The following GALNT17 variants were observed in gnomAD, a reference collection of about 807,000 sequenced individuals.
The protein encoded by GALNT17 is UDP-GalNAc:polypeptide N-acetylgalactosaminyltransferase-like 3.
Under a neutral mutation model 63.7 loss-of-function variants are expected in GALNT17, and 29 were observed. The observed-to-expected ratio is 0.46, with a 90% CI of 0.34 to 0.62. The LOEUF is 0.62. Ranked by LOEUF, GALNT17 falls within the 20% of genes least tolerant of loss-of-function variation. The pLI, the probability that GALNT17 is intolerant of heterozygous loss-of-function variation, is 0.01. For synonymous variants in GALNT17, 305 were observed against 318.3 expected, an observed-to-expected ratio of 0.96 and a Z score of 0.45; for missense variants, 603 against 799.6, an observed-to-expected ratio of 0.75 and a Z score of 2.97.
intron 5 of GALNT17, among the ~76,000 whole-genome samples, chr7:71,500,618 C>T (rs1048868886): frequency 3.9e-5 from 6 of 152,218 alleles, no homozygotes; most frequent in African/African-American, 1.4e-4. Context: ...CACTTCCTTG[C>T]TTGTCCCACT....
At chr7:71,572,298 T>TAA (rs1789456771) in intron 6 of GALNT17, among the ~76,000 whole-genome samples, 1 of 150,624 alleles carries the variant, frequency 6.6e-6, no homozygotes, top group East Asian at 2.0e-4. Flanking sequence ...GCCCAGGAGT[T>TAA]CAAAACCAGC....
At position 71,686,806 on chromosome 7, in the gene GALNT17, T is replaced by A. The variant is rs561188200; in HGVS notation, c.1500+9500T>A. On this transcript the variant is annotated intron_variant, in intron 9 of 10. Coordinates refer to ENST00000333538, the MANE Select transcript of GALNT17 (RefSeq NM_022479.3). ...AAACCTAACACGTTCCTGCAAATTC[T>A]GATGCAGCTTTGTCCCCGAGCTGAG... Among the ~76,000 whole-genome samples the A allele has an allele frequency of 1.1e-4, 16 of 152,340 alleles. No individual in the cohort carries two copies. The Middle Eastern group carries it at 0.01, about 97-fold the overall frequency.
intron 1 of GALNT17, among the ~76,000 whole-genome samples, chr7:71,311,626 G>A (rs1014265345): frequency 3.3e-5 from 5 of 152,182 alleles, no homozygotes; most frequent in African/African-American, 7.2e-5. Flanking sequence ...AGGATGAGAT[G>A]AGCAGCGCAG....
intron 1 of GALNT17, among the ~76,000 whole-genome samples, chr7:71,155,384 G>A (rs767000780): frequency 6.6e-6 from 1 of 151,550 alleles, no homozygotes; most frequent in African/African-American, 2.4e-5. Context: ...AGCAATTCTT[G>A]TGCCTTAGCC....
In GALNT17 at chr7:71,670,415, A is replaced by G. The variant is rs554683716; in HGVS notation, c.1404+306A>G. On this transcript the variant is annotated intron_variant, in intron 8 of 10. Transcript: ENST00000333538. The stretch of plus-strand genomic sequence containing the variant: ...CTGGGACCTGTAAATGGAGATATTG[A>G]GCAGGAAGTTTGGATGTAACGAGAG... 8.5e-5 allele frequency among the ~76,000 whole-genome samples: 13 copies of G among 152,300 alleles called. No individual in the cohort carries two copies. The South Asian group carries it at 2.5e-3, about 29-fold the overall frequency.
intron 5 of GALNT17, among the ~76,000 whole-genome samples, chr7:71,461,150 A>C (rs1583974756): frequency 6.6e-6 from 1 of 151,846 alleles, no homozygotes; most frequent in Admixed American, 6.6e-5. Flanking sequence ...TTTGATTGAA[A>C]CTCAAGCCAT....
chr7:71,377,806 T>C (rs1322187623), intron 2 of GALNT17, among the ~76,000 whole-genome samples: 1 of 152,126 alleles, frequency 6.6e-6, no homozygotes, highest in African/African-American at 2.4e-5. Context: ...CTGATGGTTT[T>C]ATAAGTGTTT....
intron 6 of GALNT17, among the ~76,000 whole-genome samples, chr7:71,625,013 A>G (rs967944350): frequency 1.8e-4 from 28 of 152,342 alleles, no homozygotes; most frequent in African/African-American, 6.3e-4. Flanking sequence ...TAGCATAATT[A>G]TAAAAATCAT....
intron 1 of GALNT17, among the ~76,000 whole-genome samples, chr7:71,266,731 A>G (rs1790498906): frequency 6.6e-6 from 1 of 152,098 alleles, no homozygotes; most frequent in East Asian, 1.9e-4. Flanking sequence ...GAATTGAACA[A>G]TTCAACTCTG....
intron 2 of GALNT17, among the ~76,000 whole-genome samples, chr7:71,377,392 T>C (rs534518188): frequency 7.6e-6 from 1 of 131,850 alleles, no homozygotes; most frequent in South Asian, 2.4e-4. Flanking sequence ...AGCCAGGCTG[T>C]CAAAGAAGAC....
At chr7:71,549,353 A>C (rs1228188300) in intron 5 of GALNT17, among the ~76,000 whole-genome samples, 1 of 152,134 alleles carries the variant, frequency 6.6e-6, no homozygotes, top group Non-Finnish European at 1.5e-5. Flanking sequence ...AGCTTGCTTG[A>C]GCCTAGGAGT....
At chr7:71,148,175 C>G (rs1411942114) in intron 1 of GALNT17, among the ~76,000 whole-genome samples, 5 of 152,186 alleles carry the variant, frequency 3.3e-5, no homozygotes, top group Non-Finnish European at 7.3e-5. Context: ...AATTTGTCAG[C>G]AAGTAATTTG....
At chr7:71,430,933 C>T (rs1340562671) in intron 5 of GALNT17, among the ~76,000 whole-genome samples, 2 of 152,050 alleles carry the variant, frequency 1.3e-5, no homozygotes, top group African/African-American at 4.8e-5. Context: ...GCATTTCCAG[C>T]AGGGATAGTA....
At position 71,161,480 on chromosome 7, in the gene GALNT17, G is replaced by A. The variant is rs560814293; in HGVS notation, c.238+28440G>A. Among the ~76,000 whole-genome samples the A allele has an allele frequency of 5.3e-4, 81 of 152,058 alleles. 2 individuals are homozygous for A. In the South Asian group the frequency reaches 0.016, roughly 30 times the overall value. ...TATCTTTGTCTTTAATATTTATTAC[G>A]AATATGCTTTCCACAGACTCATTTC... On this transcript the variant is annotated intron_variant, in intron 1 of 10. Coordinates refer to ENST00000333538, the MANE Select transcript of GALNT17 (RefSeq NM_022479.3).
chr7:71,341,409 G>A (rs907107307), intron 2 of GALNT17, among the ~76,000 whole-genome samples: 7 of 152,132 alleles, frequency 4.6e-5, no homozygotes, highest in African/African-American at 1.2e-4. Flanking sequence ...CCCAGAATCC[G>A]TAGGATGTGA....
chr7:71,432,857 G>A (rs1476153190), intron 5 of GALNT17, among the ~76,000 whole-genome samples: 1 of 152,044 alleles, frequency 6.6e-6, no homozygotes, highest in Non-Finnish European at 1.5e-5. Flanking sequence ...TCACCCAGGC[G>A]GGAGTGCAGT....
At chr7:71,163,347 A>C (rs918038456) in intron 1 of GALNT17, among the ~76,000 whole-genome samples, 62 of 152,272 alleles carry the variant, frequency 4.1e-4, no homozygotes, top group African/African-American at 1.5e-3. Flanking sequence ...TTTGGTTTAC[A>C]TGGGGGAAGA....
intron 1 of GALNT17, among the ~76,000 whole-genome samples, chr7:71,215,798 T>G (rs1050223410): frequency 6.6e-6 from 1 of 152,318 alleles, no homozygotes; most frequent in Middle Eastern, 3.4e-3. Flanking sequence ...TCTCAAACAT[T>G]TTGGGCTCAG....
In GALNT17 at chr7:71,572,504, T is replaced by TAAAAAAA. The variant is rs371372359; in HGVS notation, c.1080+1122_1080+1128dup. Among the ~76,000 whole-genome samples, 82 of 44,472 alleles carry TAAAAAAA rather than the reference T, an allele frequency of 1.8e-3. 9 individuals carry two copies. The highest frequency in any genetic ancestry group is 8.6e-3 in the African/African-American group (82 of 9,580). The allele number at this position is 44,472 out of a possible 152,430, so 29.2% of individuals were successfully genotyped here. A position where few individuals can be genotyped will look rare whatever the true frequency, so the allele number is the denominator to read the frequency against. On this transcript the variant is annotated intron_variant, in intron 6 of 10. Coordinates refer to ENST00000333538, the MANE Select transcript of GALNT17 (RefSeq NM_022479.3). ...GCAACAGAGCAAGACCCTGTCTCAT[T>TAAAAAAA]AAAAAAAAAAAAAAAAAAAAAAAAA...
Sources: allele counts gnomAD v4.1 joint callset (sites outside exome capture counted in the v4.1 genomes callset), GRCh38; gene constraint gnomAD v4.1.1; transcripts MANE v1.5; gene names NCBI Gene and HGNC (gene_info 2026-07-23, HGNC 2026-07-21).